Variants in APOC4 observed in about 807,000 individuals in gnomAD.
APOC4 encodes the protein apolipoprotein C-IV.
APOC4 carries 10 observed loss-of-function variants against 8.4 expected under a neutral mutation model. That is an observed-to-expected ratio of 1.19 (90% CI 0.74 to 2.03). The LOEUF (loss-of-function observed/expected upper bound fraction) is 2.03. Among genes scored for constraint, APOC4 ranks in the 30% most tolerant of loss-of-function variants. The probability of loss-of-function intolerance (pLI) is 0.00; values close to 1 mark genes in which losing one functional copy is unlikely to be tolerated. For missense variants in APOC4, 160 were observed against 156.1 expected (o/e 1.02, Z -0.13); for synonymous variants, 59 against 65.8 (o/e 0.90, Z 0.50).
intron 1 of APOC4, among the ~76,000 whole-genome samples, chr19:44,942,842 C>T (rs911358894): frequency 2.0e-5 from 3 of 150,982 alleles, no homozygotes; most frequent in African/African-American, 4.9e-5. Flanking sequence ...CTCACTGCAT[C>T]ATCCGCCTAC....
rs1228628973 is a variant in APOC4 at position 44,945,345 on chromosome 19, G to A, written c.*40G>A. On this transcript the variant is annotated 3_prime_UTR_variant, in exon 3 of 3. Coordinates refer to ENST00000592954, the MANE Select transcript of APOC4 (RefSeq NM_001646.3). ...CCAGGTGTGGTTGTGGCGGGTGCCT[G>A]TAGTCCCAGCTACTCAGGAGGCTGA... 3 of 1,585,612 alleles carry A rather than the reference G, an allele frequency of 1.9e-6. No individual in the cohort carries two copies.
chr19:44,944,867 C>A lies in APOC4; in HGVS notation c.195C>A (p.Thr65=). The A allele has an allele frequency of 6.2e-7, 1 of 1,607,104 alleles. No homozygotes were observed. ...TGCTGGAGACAGTGGTGAACAGGAC[C>A]AGAGACGGGTGGCAATGGTTCTGGT... ...KELLETVVNR[T]RDGWQWFWSP... is the part of the protein sequence containing the mutation. The change falls in exon 2 of 3, where the codon ACC becomes ACA. Residue 65 remains threonine, a synonymous_variant. Coordinates refer to ENST00000592954, the MANE Select transcript of APOC4 (RefSeq NM_001646.3).
At position 44,944,780 on chromosome 19, in the gene APOC4, GA is replaced by G; in HGVS notation, c.109del (p.Ser37AlafsTer6). On this transcript the variant is annotated frameshift_variant, in exon 2 of 3. Transcript: ENST00000592954. LOFTEE classifies it high-confidence loss of function. ...AGCCAGAGGCCCAGGAAGGAACCCT[GA>G]GCCCCCCACCAAAGCTAAAGATGAG... ...CQPEAQEGTL[S>X]PPPKLKMSRW... 1 of 1,611,678 alleles carries G rather than the reference GA, an allele frequency of 6.2e-7. No individual in the cohort carries two copies. The highest frequency in any genetic ancestry group is 2.2e-5 in the East Asian group (1 of 44,780).
Position 44,944,908 on chromosome 19 carries a change from TG to T in APOC4, c.218+21del. 6.3e-7 allele frequency: 1 copy of T among 1,592,202 alleles called. No individual in the cohort carries two copies. The highest frequency in any genetic ancestry group is 8.6e-7 in the Non-Finnish European group (1 of 1,169,394). On this transcript the variant is annotated intron_variant, in intron 2 of 2. Coordinates refer to ENST00000592954, the MANE Select transcript of APOC4 (RefSeq NM_001646.3). ...TGGTTCTGGTGAGGGTGTGCTGGGC[TG>T]GGTGGTGGGAGGGGACTCCTGGGTC...
At chr19:44,945,062 C>G in intron 2 of APOC4, 78 bp from the exon 3 acceptor site, 2 of 1,554,880 alleles carry the variant, frequency 1.3e-6, no homozygotes, top group East Asian at 2.3e-5. Context: ...TCCTAGGTCA[C>G]AGAGAGGAGC....
In APOC4 at chr19:44,943,813, G is replaced by A. The variant is rs547652521; in HGVS notation, c.77-936G>A. Among the ~76,000 whole-genome samples the A allele has an allele frequency of 1.2e-4, 18 of 152,256 alleles. No homozygotes were observed. In the Middle Eastern group the frequency reaches 0.021, roughly 174 times the overall value. ...GTATGTAGTAACTCTTAATTCTCAC[G>A]ATAACCCTGAGGTAGATATTATTAC... On this transcript the variant is annotated intron_variant, in intron 1 of 2. Transcript: ENST00000592954.
chr19:44,944,781 A>G lies in APOC4; in HGVS notation c.109A>G (p.Ser37Gly). The G allele has an allele frequency of 6.2e-7, 1 of 1,611,820 alleles. No homozygotes were observed. Among genetic ancestry groups the G allele is most frequent in the South Asian group, 1.1e-5 (1 of 90,606 alleles). Residue 37 changes from serine (S) to glycine (G), a missense_variant, in exon 2 of 3, where the codon AGC (serine) becomes GGC (glycine). Physicochemically the swap from Ser to Gly is moderately conservative, Grantham distance 56. Coordinates refer to ENST00000592954, the MANE Select transcript of APOC4 (RefSeq NM_001646.3). ...CQPEAQEGTL[S>G]PPPKLKMSRW... ...GCCAGAGGCCCAGGAAGGAACCCTGAGCCCCCCACCAAAGCTAAAGATGAG... is the reference window on the plus strand; with the variant it reads ...GCCAGAGGCCCAGGAAGGAACCCTGGGCCCCCCACCAAAGCTAAAGATGAG...
chr19:44,942,892 T>G (rs1343010613), intron 1 of APOC4, among the ~76,000 whole-genome samples: 1 of 151,690 alleles, frequency 6.6e-6, no homozygotes, highest in Non-Finnish European at 1.5e-5. Context: ...TTCAGAGTAT[T>G]TGGGACTACA....
chr19:44,945,208 T>G lies in APOC4; in HGVS notation c.287T>G (p.Leu96Arg), dbSNP rs5167. 0.37 allele frequency: 593,404 copies of G among 1,613,606 alleles called. 111,118 individuals are homozygous for G. Among genetic ancestry groups the G allele is most frequent in the East Asian group, 0.5 (22,534 of 44,850 alleles). The change falls in exon 3 of 3, where the codon CTC becomes CGC. Residue 96 changes from leucine to arginine, a missense_variant. Leu to Arg is a moderately radical substitution (Grantham distance 102). Coordinates refer to ENST00000592954, the MANE Select transcript of APOC4 (RefSeq NM_001646.3). ...GACCACCTGAGGGACCTGGGTCCGC[T>G]CACCAAGGCCTGGTTCCTCGAATCC... ...YDDHLRDLGP[L>R]TKAWFLESKD...
At chr19:44,943,482 C>T (rs540221009) in intron 1 of APOC4, among the ~76,000 whole-genome samples, 3 of 151,658 alleles carry the variant, frequency 2.0e-5, no homozygotes, top group South Asian at 4.2e-4. Flanking sequence ...CCAGCACTTT[C>T]GGAGGCCGAG....
At chr19:44,943,898 C>T (rs1970286939) in intron 1 of APOC4, among the ~76,000 whole-genome samples, 1 of 152,212 alleles carries the variant, frequency 6.6e-6, no homozygotes, top group South Asian at 2.1e-4. Context: ...GGCCAAGGCA[C>T]ACAGCTAGCT....
intron 1 of APOC4, among the ~76,000 whole-genome samples, chr19:44,942,653 G>GTC (rs1258057978): frequency 6.6e-6 from 1 of 152,108 alleles, no homozygotes; most frequent in Non-Finnish European, 1.5e-5. Context: ...GTGTGCACCT[G>GTC]TCTCTCTGTG....
At chr19:44,944,427 T>C (rs1340515917) in intron 1 of APOC4, among the ~76,000 whole-genome samples, 1 of 151,546 alleles carries the variant, frequency 6.6e-6, no homozygotes, top group African/African-American at 2.4e-5. Flanking sequence ...CTCGGGAGGC[T>C]GAGGCAGGAA....
intron 1 of APOC4, among the ~76,000 whole-genome samples, chr19:44,943,946 G>A (rs1364265157): frequency 2.0e-5 from 3 of 152,162 alleles, no homozygotes; most frequent in Non-Finnish European, 2.9e-5. Context: ...CTCTGTAGGC[G>A]AGGCTTTGTC....
At chr19:44,944,167 T>C (rs12709883) in intron 1 of APOC4, among the ~76,000 whole-genome samples, 19 of 152,046 alleles carry the variant, frequency 1.2e-4, no homozygotes, top group African/African-American at 3.9e-4. Context: ...CATCAGAGGA[T>C]GGCAATTAGA....
At chr19:44,944,992 G>A (rs962961182) in intron 2 of APOC4, 102 bp downstream of exon 2, 1 of 1,523,754 alleles carries the variant, frequency 6.6e-7, no homozygotes, top group African/African-American at 1.4e-5. Flanking sequence ...GAAAGGGTGG[G>A]AGTGGGGCTG....
intron 2 of APOC4, 58 bp downstream of exon 2, chr19:44,944,948 G>A: frequency 1.3e-6 from 2 of 1,559,146 alleles, no homozygotes; most frequent in Non-Finnish European, 8.7e-7. Flanking sequence ...GGGAGGAGGG[G>A]CTGGGGCCTG....
At chr19:44,943,428 A>C (rs577572838) in intron 1 of APOC4, among the ~76,000 whole-genome samples, 11 of 151,380 alleles carry the variant, frequency 7.3e-5, no homozygotes, top group African/African-American at 2.2e-4. Flanking sequence ...TAGAAATTTA[A>C]ATTTTTAATA....
At chr19:44,942,615 G>A (rs1194743374) in intron 1 of APOC4, among the ~76,000 whole-genome samples, 1 of 152,084 alleles carries the variant, frequency 6.6e-6, no homozygotes, top group Non-Finnish European at 1.5e-5. Context: ...TGGTAAAAAA[G>A]TGCATGTCTG....
Sources: gnomAD v4.1 joint callset for allele counts (sites outside exome capture counted in the v4.1 genomes callset) on GRCh38, gnomAD v4.1.1 for gene constraint, MANE v1.5 for transcripts, NCBI Gene and HGNC (gene_info 2026-07-23, HGNC 2026-07-21) for gene names.